IBTK: variants seen among roughly 807,000 people sequenced by gnomAD.
IBTK encodes BTK-binding protein.
IBTK carries 83 observed loss-of-function variants against 154.9 expected under a neutral mutation model. The observed-to-expected ratio is 0.54, with a 90% CI of 0.45 to 0.64. IBTK has a LOEUF of 0.64. IBTK is among the 30% of genes least tolerant of loss of function. IBTK has a pLI of 0.00. For missense variants in IBTK, 1,332 were observed against 1,584.6 expected, an observed-to-expected ratio of 0.84 and a Z score of 2.71; for synonymous variants, 515 against 536.1, an observed-to-expected ratio of 0.96 and a Z score of 0.54.
chr6:82,200,225 T>C lies in IBTK; in HGVS notation c.2941A>G (p.Lys981Glu), dbSNP rs763906376. The C allele has an allele frequency of 6.2e-7, 1 of 1,613,692 alleles. No homozygotes were observed. The highest frequency in any genetic ancestry group is 1.1e-5 in the South Asian group (1 of 91,062). The change falls in exon 21 of 29, where the codon AAA becomes GAA. Residue 981 changes from lysine (K) to glutamate (E), a missense_variant. Physicochemically the swap from Lys to Glu is moderately conservative, Grantham distance 56. Transcript: ENST00000306270. The part of the protein sequence containing the change: ...SETMFKKAKT[K>E]AKKKPRKRSD... ...CGTTTACGTGGCTTCTTTTTAGCTT[T>C]TGTTTTTGCTTTCTTGAACATAGTT...
At position 82,222,978 on chromosome 6, in the gene IBTK, TATA is replaced by T. The variant is rs1303007680; in HGVS notation, c.1124+459_1124+461del. Among the ~76,000 whole-genome samples the T allele has an allele frequency of 2.0e-5, 3 of 152,170 alleles. No individual in the cohort carries two copies. The East Asian group carries it at 5.8e-4, about 29-fold the overall frequency. On this transcript the variant is annotated intron_variant, in intron 8 of 28. Transcript: ENST00000306270. Reference sequence around the variant, plus strand: ...AACCAACTGCTACTTTACTGCATTCTATAATAACATGTTTTTTTAAAAAATATA... The same window carrying T: ...AACCAACTGCTACTTTACTGCATTCTATAACATGTTTTTTTAAAAAATATA...
At chr6:82,217,935 C>G (rs1318012490) in intron 10 of IBTK, 25 bp downstream of exon 10, 1 of 1,441,306 alleles carries the variant, frequency 6.9e-7, no homozygotes, top group Admixed American at 2.3e-5. Context: ...GGTACTTTTA[C>G]GTATTGTTCA....
intron 21 of IBTK, among the ~76,000 whole-genome samples, chr6:82,199,382 C>A (rs1769115928): frequency 6.6e-6 from 1 of 152,000 alleles, no homozygotes; most frequent in Non-Finnish European, 1.5e-5. Flanking sequence ...TGGTATTTTT[C>A]TTTCATCTTT....
chr6:82,201,471 A>T lies in IBTK; in HGVS notation c.2741T>A (p.Val914Asp). 6.2e-7 allele frequency: 1 copy of T among 1,604,482 alleles called. No individual in the cohort carries two copies. The highest frequency in any genetic ancestry group is 8.5e-7 in the Non-Finnish European group (1 of 1,173,822). Residue 914 changes from valine (V) to aspartate (D), a missense_variant, in exon 19 of 29, where the codon GTT (valine) becomes GAT (aspartate). Physicochemically the swap from Val to Asp is radical, Grantham distance 152. Coordinates refer to ENST00000306270, the MANE Select transcript of IBTK (RefSeq NM_015525.4). ...AALLEARSLDVLSDGVLKDLS... is the reference protein window; with the variant it reads ...AALLEARSLDDLSDGVLKDLS... ...ATCCTTCAAAACACCATCGCTTAAA[A>T]CATCAAGAGACCTAAAATATAGGAT...
At chr6:82,199,525 A>AC (rs1199878155) in intron 21 of IBTK, among the ~76,000 whole-genome samples, 1 of 152,132 alleles carries the variant, frequency 6.6e-6, no homozygotes, top group Non-Finnish European at 1.5e-5. Flanking sequence ...CCAGATTACA[A>AC]CCCCCTTATG....
At chr6:82,241,445 C>T (rs1007849587) in intron 1 of IBTK, among the ~76,000 whole-genome samples, 2 of 152,162 alleles carry the variant, frequency 1.3e-5, no homozygotes, top group African/African-American at 2.4e-5. Flanking sequence ...CTGAAAAGTC[C>T]TTCATCACAT....
chr6:82,190,446 G>A (rs1203657140), intron 25 of IBTK, among the ~76,000 whole-genome samples: 2 of 152,112 alleles, frequency 1.3e-5, no homozygotes, highest in African/African-American at 4.8e-5. Flanking sequence ...TACAAGAAAA[G>A]GAAGGATGGA....
chr6:82,229,634 G>A (rs1309348683), intron 4 of IBTK, among the ~76,000 whole-genome samples: 8 of 152,114 alleles, frequency 5.3e-5, no homozygotes. Flanking sequence ...TCTAGACTAG[G>A]TGAGCAGCTT....
rs116564598 is a variant in IBTK at position 82,235,375 on chromosome 6, C to T, written c.322-1120G>A. ...CTTTGGGAGGTGGGTGGATGAATCGCCTGAGGTCAGGAGTTCAACGTCAGC... is the reference window on the plus strand; with the variant it reads ...CTTTGGGAGGTGGGTGGATGAATCGTCTGAGGTCAGGAGTTCAACGTCAGC... On this transcript the variant is annotated intron_variant, in intron 2 of 28. Transcript: ENST00000306270. Among the ~76,000 whole-genome samples the T allele has an allele frequency of 3.4e-3, 515 of 152,106 alleles. 5 individuals carry two copies. The highest frequency in any genetic ancestry group is 0.012 in the African/African-American group (488 of 41,496).
chr6:82,177,561 TGCC>T (rs1768165930), intron 26 of IBTK, among the ~76,000 whole-genome samples: 1 of 151,942 alleles, frequency 6.6e-6, no homozygotes, highest in South Asian at 2.1e-4. Context: ...TACAGGCATG[TGCC>T]ACCCCTGGCC....
chr6:82,232,228 T>C (rs1200831743), intron 3 of IBTK, among the ~76,000 whole-genome samples: 5 of 152,182 alleles, frequency 3.3e-5, no homozygotes, highest in African/African-American at 9.7e-5. Flanking sequence ...AAAGTTTAAC[T>C]GCCAAATGAG....
chr6:82,227,736 A>C (rs1770346803), intron 4 of IBTK, among the ~76,000 whole-genome samples: 1 of 152,092 alleles, frequency 6.6e-6, no homozygotes, highest in African/African-American at 2.4e-5. Flanking sequence ...ACATCTTCAG[A>C]GTGTTTTCAA....
chr6:82,226,085 C>T (rs1414688437), intron 5 of IBTK, among the ~76,000 whole-genome samples: 1 of 152,176 alleles, frequency 6.6e-6, no homozygotes, highest in Non-Finnish European at 1.5e-5. Context: ...ACTTCTGTCA[C>T]TACCTATTTG....
At chr6:82,213,071 A>C (rs1453612653) in intron 12 of IBTK, among the ~76,000 whole-genome samples, 1 of 151,620 alleles carries the variant, frequency 6.6e-6, no homozygotes, top group Admixed American at 6.6e-5. Context: ...TCTGTTGCCC[A>C]GGCTAGAGTG....
At position 82,196,337 on chromosome 6, in the gene IBTK, G is replaced by T; in HGVS notation, c.3135C>A (p.Ser1045=). ...AGVGSPRDLQ[S]PDFTTGFHSD... is the part of the protein sequence containing the mutation. ...AATGAAATCCTGTTGTGAAATCAGG[G>T]GACTGTAAATCTCTAGGACTACCCA... The change falls in exon 22 of 29, where the codon TCC becomes TCA. Residue 1045 remains serine, a synonymous_variant. Transcript: ENST00000306270. 2 of 1,607,870 alleles carry T rather than the reference G, an allele frequency of 1.2e-6. No individual in the cohort carries two copies. The highest frequency in any genetic ancestry group is 1.7e-6 in the Non-Finnish European group (2 of 1,177,142).
At chr6:82,229,739 C>T (rs1380275357) in intron 4 of IBTK, among the ~76,000 whole-genome samples, 3 of 152,188 alleles carry the variant, frequency 2.0e-5, no homozygotes, top group African/African-American at 7.2e-5. Flanking sequence ...TCTCGCCCAT[C>T]ACAAGTCCTT....
intron 25 of IBTK, among the ~76,000 whole-genome samples, chr6:82,183,434 A>T (rs1162652264): frequency 1.3e-5 from 2 of 151,440 alleles, no homozygotes; most frequent in African/African-American, 2.4e-5. Flanking sequence ...AAAACAGAGA[A>T]AAAAAAAAGA....
Position 82,222,841 on chromosome 6 carries a change from G to A in IBTK, c.1124+599C>T, listed in dbSNP as rs183669990. 1.4e-4 allele frequency among the ~76,000 whole-genome samples: 21 copies of A among 151,382 alleles called. 1 individual carries two copies. Among genetic ancestry groups the A allele is most frequent in the Admixed American group, 1.3e-3 (20 of 15,192 alleles). On this transcript the variant is annotated intron_variant, in intron 8 of 28. Transcript: ENST00000306270. The stretch of plus-strand genomic sequence containing the variant: ...CACTTTGGGAGGCTGAGACAGGAGG[G>A]ACGCTTGAACCCAGGAGTTCAAGAC...
chr6:82,195,898 G>A (rs1487148030), intron 22 of IBTK, among the ~76,000 whole-genome samples: 1 of 152,162 alleles, frequency 6.6e-6, no homozygotes, highest in Non-Finnish European at 1.5e-5. Context: ...TACCCTGGAG[G>A]AAAGAGACTG....
Sources: gnomAD v4.1 joint callset for allele counts (sites outside exome capture counted in the v4.1 genomes callset) on GRCh38, gnomAD v4.1.1 for gene constraint, MANE v1.5 for transcripts, NCBI Gene and HGNC (gene_info 2026-07-23, HGNC 2026-07-21) for gene names.